The following PAIP1 variants were observed in gnomAD, a reference collection of about 807,000 sequenced individuals.
The protein encoded by PAIP1 is poly(A) binding protein interacting protein 1, also known as polyadenylate-binding protein-interacting protein 1.
Under a neutral mutation model 61.3 loss-of-function variants are expected in PAIP1, and 16 were observed. The observed-to-expected ratio is 0.26, with a 90% CI of 0.18 to 0.40. The LOEUF is 0.40. Ranked by LOEUF, PAIP1 falls within the 10% of genes least tolerant of loss-of-function variation. PAIP1 has a pLI of 1.00. For synonymous variants in PAIP1, 187 were observed against 226.2 expected, an observed-to-expected ratio of 0.83 and a Z score of 1.56; for missense variants, 416 against 600.9, an observed-to-expected ratio of 0.69 and a Z score of 3.22.
intron 3 of PAIP1, 41 bp downstream of exon 3, chr5:43,547,687 G>A (rs1475869078): frequency 7.4e-7 from 1 of 1,345,908 alleles, no homozygotes; most frequent in South Asian, 1.3e-5. Flanking sequence ...GGGCTTCAAG[G>A]AAGCTATCTG....
intron 2 of PAIP1, 146 bp downstream of exon 2, chr5:43,555,684 T>C (rs1314769841): frequency 1.7e-6 from 1 of 594,892 alleles, no homozygotes; most frequent in Non-Finnish European, 3.0e-6. Context: ...TTTGTTTCCT[T>C]CTGAGTTCAA....
chr5:43,543,245 T>C (rs768748628), intron 3 of PAIP1, 129 bp from the exon 4 acceptor site: 16 of 416,806 alleles, frequency 3.8e-5, no homozygotes, highest in Middle Eastern at 3.2e-4. Context: ...CTTTTGTCAT[T>C]GTTAGGCTTA....
chr5:43,539,402 G>A (rs527583868), intron 4 of PAIP1, among the ~76,000 whole-genome samples: 6 of 151,278 alleles, frequency 4.0e-5, no homozygotes, highest in South Asian at 2.1e-4. Flanking sequence ...TACCCAAATT[G>A]TCTCTGTAAT....
At chr5:43,541,599 G>T (rs1747413509) in intron 4 of PAIP1, among the ~76,000 whole-genome samples, 1 of 150,178 alleles carries the variant, frequency 6.7e-6, no homozygotes, top group East Asian at 1.9e-4. Flanking sequence ...ATTTTCAAGG[G>T]TCTCTGGGGT....
rs757192994 is a variant in PAIP1 at position 43,556,008 on chromosome 5, G to GA, written c.266-10dup. The GA allele has an allele frequency of 1.3e-3, 1,939 of 1,531,850 alleles. No individual in the cohort carries two copies. The highest frequency in any genetic ancestry group is 2.7e-3 in the Admixed American group (139 of 51,282). The allele number at this position is 1,531,850 out of a possible 1,614,324, so 94.9% of individuals were successfully genotyped here. A position where few individuals can be genotyped will look rare whatever the true frequency, so the allele number is the denominator to read the frequency against. On this transcript the variant is annotated splice_polypyrimidine_tract_variant and intron_variant, in intron 1 of 10. Coordinates refer to ENST00000306846, the MANE Select transcript of PAIP1 (RefSeq NM_006451.5). ...CAGGGGCCTCGTTTGCTCTGCAAAA[G>GA]AAAAAAAAACGGGGCGTCAGATGCA...
chr5:43,533,533 T>C (rs1747026476), intron 9 of PAIP1, among the ~76,000 whole-genome samples: 1 of 152,242 alleles, frequency 6.6e-6, no homozygotes, highest in Non-Finnish European at 1.5e-5. Flanking sequence ...CAAGACATTA[T>C]ATGTGGAATC....
intron 3 of PAIP1, among the ~76,000 whole-genome samples, chr5:43,545,336 G>A (rs564854912): frequency 2.0e-5 from 3 of 152,294 alleles, no homozygotes; most frequent in Non-Finnish European, 4.4e-5. Flanking sequence ...AGTCTCTCCT[G>A]TAGAGTTCCT....
chr5:43,543,604 G>T (rs1579919883), intron 3 of PAIP1, among the ~76,000 whole-genome samples: 2 of 152,102 alleles, frequency 1.3e-5, no homozygotes, highest in South Asian at 4.1e-4. Flanking sequence ...CTTTAAAGAG[G>T]TGATTAATGG....
At chr5:43,533,103 T>A (rs2112381663) in intron 9 of PAIP1, among the ~76,000 whole-genome samples, 1 of 152,336 alleles carries the variant, frequency 6.6e-6, no homozygotes, top group Admixed American at 6.5e-5. Context: ...AAAACTTCTC[T>A]GTGCTAGAGA....
intron 3 of PAIP1, among the ~76,000 whole-genome samples, chr5:43,546,128 C>G (rs1747626791): frequency 6.6e-6 from 1 of 152,128 alleles, no homozygotes; most frequent in East Asian, 1.9e-4. Flanking sequence ...GAGTAAATTT[C>G]CATAAATTAC....
At chr5:43,552,306 A>G (rs544925193) in intron 2 of PAIP1, among the ~76,000 whole-genome samples, 6 of 152,346 alleles carry the variant, frequency 3.9e-5, no homozygotes, top group Admixed American at 1.3e-4. Flanking sequence ...CATGAGATAA[A>G]TAATTCTTAC....
chr5:43,551,708 C>T (rs12697457), intron 2 of PAIP1, among the ~76,000 whole-genome samples: 74,542 of 150,452 alleles, frequency 0.5, 19,649 homozygotes, highest in East Asian at 0.91. Flanking sequence ...TGTCATTCTT[C>T]GTGGCAAAAA....
At chr5:43,549,431 T>C (rs892998745) in intron 2 of PAIP1, among the ~76,000 whole-genome samples, 2 of 152,152 alleles carry the variant, frequency 1.3e-5, no homozygotes, top group Non-Finnish European at 2.9e-5. Flanking sequence ...GGTGCTATTC[T>C]TGTCATAGTG....
In PAIP1 at chr5:43,556,896, C is replaced by T. The variant is rs1410893771; in HGVS notation, c.-50G>A. 7.4e-7 allele frequency: 1 copy of T among 1,346,042 alleles called. No homozygotes were observed. Among genetic ancestry groups the T allele is most frequent in the East Asian group, 3.1e-5 (1 of 32,124 alleles). 83.4% of individuals were successfully genotyped at this position (1,346,042 alleles called of 1,614,324 possible). On this transcript the variant is annotated 5_prime_UTR_variant, in exon 1 of 11. Coordinates refer to ENST00000306846, the MANE Select transcript of PAIP1 (RefSeq NM_006451.5). ...CCAGGGGCCGCTGCCGCTGCGCTCG[C>T]GATAGGACGCGGGGGGAAGGCGCCG...
intron 2 of PAIP1, among the ~76,000 whole-genome samples, chr5:43,552,982 C>A (rs1747922477): frequency 6.6e-6 from 1 of 152,072 alleles, no homozygotes; most frequent in Non-Finnish European, 1.5e-5. Flanking sequence ...ATAATTTTAC[C>A]TATTGGAGAA....
chr5:43,556,848 C>A lies in PAIP1; in HGVS notation c.-2G>T. 2.8e-6 allele frequency: 4 copies of A among 1,424,116 alleles called. No homozygotes were observed. Among genetic ancestry groups the A allele is most frequent in the Non-Finnish European group, 2.7e-6 (3 of 1,091,016 alleles). 88.2% of individuals were successfully genotyped at this position (1,424,116 alleles called of 1,614,324 possible). A position where few individuals can be genotyped will look rare whatever the true frequency, so the allele number is the denominator to read the frequency against. On this transcript the variant is annotated 5_prime_UTR_variant, in exon 1 of 11. Coordinates refer to ENST00000306846, the MANE Select transcript of PAIP1 (RefSeq NM_006451.5). ...GGCCCGATCGAAACCGTCCGACATGCTCCTCCTCCTCCGCCTCCTCCTCCA... is the reference window on the plus strand; with the variant it reads ...GGCCCGATCGAAACCGTCCGACATGATCCTCCTCCTCCGCCTCCTCCTCCA...
intron 3 of PAIP1, among the ~76,000 whole-genome samples, chr5:43,544,607 T>C (rs1054905355): frequency 1.3e-5 from 2 of 152,202 alleles, no homozygotes; most frequent in Non-Finnish European, 2.9e-5. Flanking sequence ...TTAGATGTTA[T>C]TTCTTACTGC....
intron 3 of PAIP1, among the ~76,000 whole-genome samples, chr5:43,545,478 CTAACTTTT>C (rs1747601763): frequency 6.6e-6 from 1 of 152,200 alleles, no homozygotes; most frequent in Admixed American, 6.5e-5. Flanking sequence ...TCTGGATGGT[CTAACTTTT>C]TAGATTCTCA....
Position 43,556,731 on chromosome 5 carries a change from T to G in PAIP1, c.116A>C (p.Glu39Ala), listed in dbSNP as rs1052815812. ...GGFPNGAGPA[E>A]RARHQPPQPK... ...TTGCGGCGGCTGGTGCCGCGCCCGC[T>G]CAGCAGGCCCCGCTCCGTTCGGGAA... The change falls in exon 1 of 11, where the codon GAG (glutamate) becomes GCG (alanine). Residue 39 changes from glutamate (E) to alanine (A), a missense_variant. By Grantham distance (107) the Glu-to-Ala change is moderately radical. Transcript: ENST00000306846. 2.9e-5 allele frequency: 39 copies of G among 1,356,364 alleles called. No homozygotes were observed. Among genetic ancestry groups the G allele is most frequent in the Admixed American group, 1.8e-4 (5 of 27,548 alleles). 84.0% of individuals were successfully genotyped at this position (1,356,364 alleles called of 1,614,324 possible).
Sources: allele counts gnomAD v4.1 joint callset (sites outside exome capture counted in the v4.1 genomes callset), GRCh38; gene constraint gnomAD v4.1.1; transcripts MANE v1.5; gene names NCBI Gene and HGNC (gene_info 2026-07-23, HGNC 2026-07-21).